The following NUP155 variants were observed in gnomAD, a reference collection of about 807,000 sequenced individuals.
NUP155 encodes nucleoporin 155, also known as nuclear pore complex protein Nup155.
In NUP155, 71 loss-of-function variants were observed where a neutral mutation model predicts 180.4. The ratio of observed to expected loss-of-function variants is 0.39; its 90% confidence interval spans 0.33 to 0.48. The LOEUF (loss-of-function observed/expected upper bound fraction) is 0.48, where lower values mean the gene tolerates loss of function less well. NUP155 is among the 20% of genes least tolerant of loss of function. The probability of loss-of-function intolerance (pLI) is 0.91; values close to 1 mark genes in which losing one functional copy is unlikely to be tolerated. For synonymous variants in NUP155, 582 were observed against 559.5 expected, an observed-to-expected ratio of 1.04 and a Z score of -0.57; for missense variants, 1,553 against 1,648.9, an observed-to-expected ratio of 0.94 and a Z score of 1.01.
chr5:37,365,460 C>T (rs1416820550), intron 1 of NUP155, among the ~76,000 whole-genome samples: 1 of 151,696 alleles, frequency 6.6e-6, no homozygotes, highest in Non-Finnish European at 1.5e-5. Context: ...GTAATCCCAG[C>T]ACTTTGGGAG....
intron 16 of NUP155, among the ~76,000 whole-genome samples, 196 bp from the exon 17 acceptor site, chr5:37,328,616 G>A (rs1337082926): frequency 2.0e-5 from 3 of 152,028 alleles, no homozygotes; most frequent in Non-Finnish European, 2.9e-5. Flanking sequence ...CGATTCTCCC[G>A]TCTCAGCCTC....
chr5:37,314,410 G>A, intron 21 of NUP155, 82 bp from the exon 22 acceptor site: 1 of 1,070,156 alleles, frequency 9.3e-7, no homozygotes, highest in South Asian at 1.4e-5. Flanking sequence ...AGTTAAGGTT[G>A]AAATCCCTGT....
chr5:37,351,805 A>T (rs1746479214), intron 5 of NUP155, among the ~76,000 whole-genome samples: 1 of 151,418 alleles, frequency 6.6e-6, no homozygotes, highest in Non-Finnish European at 1.5e-5. Flanking sequence ...TATACATTTT[A>T]AAATTACTAA....
Position 37,308,875 on chromosome 5 carries a change from C to CAAAAAAA in NUP155, c.2767+247_2767+253dup, listed in dbSNP as rs59572976. 8.7e-5 allele frequency among the ~76,000 whole-genome samples: 6 copies of CAAAAAAA among 68,856 alleles called. 1 individual carries two copies. Among genetic ancestry groups the CAAAAAAA allele is most frequent in the African/African-American group, 3.9e-4 (6 of 15,288 alleles). The allele number at this position is 68,856 out of a possible 152,430, so 45.2% of individuals were successfully genotyped here. On this transcript the variant is annotated intron_variant, in intron 24 of 34. Transcript: ENST00000231498. ...AGCCTGGCTGACAGAGCGAGACTCT[C>CAAAAAAA]AAAAAAAAAAAAAAAAAAAAAAAAA...
rs368724959 is a variant in NUP155, at chr5:37,333,454, C to T, written c.1518+9G>A. 2.7e-5 allele frequency: 44 copies of T among 1,611,982 alleles called. No homozygotes were observed. Among genetic ancestry groups the T allele is most frequent in the Middle Eastern group, 1.6e-4 (1 of 6,080 alleles). ...TTTTTGTCACTACCATAACAGAATA[C>T]GTACACACCTGTGCTGAGAGGAGAA... On this transcript the variant is annotated intron_variant, in intron 13 of 34. Coordinates refer to ENST00000231498, the MANE Select transcript of NUP155 (RefSeq NM_153485.3).
chr5:37,359,889 G>A (rs993604420), intron 3 of NUP155, among the ~76,000 whole-genome samples: 10 of 152,124 alleles, frequency 6.6e-5, no homozygotes, highest in East Asian at 1.9e-4. Flanking sequence ...AGGTTGAGAC[G>A]TGTGGATCAC....
Position 37,370,930 on chromosome 5 carries a change from G to A in NUP155, c.48C>T (p.Ala16=). ...LGAAMPASTS[A]AALQEALENA... ...TTTCCAGAGCTTCCTGCAGGGCTGCGGCAGATGTAGAGGCCGGCATCGCCG... is the reference window on the plus strand; with the variant it reads ...TTTCCAGAGCTTCCTGCAGGGCTGCAGCAGATGTAGAGGCCGGCATCGCCG... The change falls in exon 1 of 35, where the codon GCC becomes GCT. Residue 16 remains alanine, a synonymous_variant. Transcript: ENST00000231498. 1.9e-6 allele frequency: 3 copies of A among 1,614,178 alleles called. No homozygotes were observed. The highest frequency in any genetic ancestry group is 2.5e-6 in the Non-Finnish European group (3 of 1,180,048).
intron 9 of NUP155, among the ~76,000 whole-genome samples, chr5:37,343,630 C>A (rs538251261): frequency 6.6e-6 from 1 of 152,014 alleles, no homozygotes; most frequent in African/African-American, 2.4e-5. Flanking sequence ...GTGACTCACG[C>A]CTGTAATTCC....
intron 16 of NUP155, among the ~76,000 whole-genome samples, chr5:37,328,914 T>C (rs1744779742): frequency 6.6e-6 from 1 of 152,236 alleles, no homozygotes; most frequent in Non-Finnish European, 1.5e-5. Context: ...AAAACACTGA[T>C]GTGCGAGTTA....
chr5:37,326,234 C>T (rs1313457398), intron 18 of NUP155, among the ~76,000 whole-genome samples: 1 of 152,022 alleles, frequency 6.6e-6, no homozygotes, highest in African/African-American at 2.4e-5. Context: ...TATAAAGGGG[C>T]TCTGTACTGT....
At chr5:37,317,054 A>C (rs1743932607) in intron 21 of NUP155, among the ~76,000 whole-genome samples, 1 of 151,456 alleles carries the variant, frequency 6.6e-6, no homozygotes, top group African/African-American at 2.4e-5. Context: ...CTGTAGTCCC[A>C]GCTACTCAGA....
intron 2 of NUP155, 94 bp downstream of exon 2, chr5:37,364,151 AAT>A: frequency 8.6e-7 from 1 of 1,168,460 alleles, no homozygotes; most frequent in Non-Finnish European, 1.3e-6. Context: ...CCCTTAAATG[AAT>A]ATATAACACA....
Position 37,329,174 on chromosome 5 carries a change from A to C in NUP155, c.1813+16T>G. 1 of 1,575,264 alleles carries C rather than the reference A, an allele frequency of 6.3e-7. No homozygotes were observed. Among genetic ancestry groups the C allele is most frequent in the Non-Finnish European group, 8.7e-7 (1 of 1,144,734 alleles). ...AAACGATTAGAAACAATTTCATTTCAATGTTCCATACTCACTAGAATAGAC... is the reference window on the plus strand; with the variant it reads ...AAACGATTAGAAACAATTTCATTTCCATGTTCCATACTCACTAGAATAGAC... On this transcript the variant is annotated intron_variant, in intron 16 of 34. Coordinates refer to ENST00000231498, the MANE Select transcript of NUP155 (RefSeq NM_153485.3).
intron 13 of NUP155, among the ~76,000 whole-genome samples, chr5:37,332,673 T>G (rs559619604): frequency 6.6e-5 from 10 of 152,256 alleles, no homozygotes; most frequent in South Asian, 2.1e-4. Flanking sequence ...ATATTTCAAA[T>G]GATGGCTGGG....
Position 37,325,971 on chromosome 5 carries a change from GA to G in NUP155, c.2025-5del, listed in dbSNP as rs761814194. On this transcript the variant is annotated splice_region_variant and splice_polypyrimidine_tract_variant and intron_variant, in intron 18 of 34. Coordinates refer to ENST00000231498, the MANE Select transcript of NUP155 (RefSeq NM_153485.3). ...TAAGCTTGCATCCCAAATGTTTCTGGAAAAAAAAAAGTTTTAATGATTGTGC... is the reference window on the plus strand; with the variant it reads ...TAAGCTTGCATCCCAAATGTTTCTGGAAAAAAAAAGTTTTAATGATTGTGC... 1,447 of 1,497,350 alleles carry G rather than the reference GA, an allele frequency of 9.7e-4. No homozygotes were observed. Among genetic ancestry groups the G allele is most frequent in the Non-Finnish European group, 1.1e-3 (1,169 of 1,098,956 alleles). The allele number at this position is 1,497,350 out of a possible 1,614,324, so 92.8% of individuals were successfully genotyped here.
intron 3 of NUP155, among the ~76,000 whole-genome samples, chr5:37,362,070 AG>A (rs1267207336): frequency 6.6e-6 from 1 of 151,810 alleles, no homozygotes; most frequent in African/African-American, 2.4e-5. Flanking sequence ...CAGAACCATG[AG>A]AAAGAAATTC....
chr5:37,323,178 G>A (rs1437167528), intron 20 of NUP155, among the ~76,000 whole-genome samples: 1 of 149,136 alleles, frequency 6.7e-6, no homozygotes, highest in African/African-American at 2.6e-5. Context: ...TAAGCTACTT[G>A]GGAGGCTGAG....
At chr5:37,296,059 G>T in intron 32 of NUP155, among the ~76,000 whole-genome samples, 1 of 147,580 alleles carries the variant, frequency 6.8e-6, no homozygotes, top group Non-Finnish European at 1.5e-5. Flanking sequence ...AGGTGGGGGG[G>T]TCAGCCCCCC....
At chr5:37,349,409 A>G (rs986576208) in intron 7 of NUP155, among the ~76,000 whole-genome samples, 164 bp from the exon 8 acceptor site, 1 of 152,162 alleles carries the variant, frequency 6.6e-6, no homozygotes, top group Non-Finnish European at 1.5e-5. Flanking sequence ...CATAAGATCC[A>G]GTCCAAAAAG....
Sources: allele counts gnomAD v4.1 joint callset (sites outside exome capture counted in the v4.1 genomes callset), GRCh38; gene constraint gnomAD v4.1.1; transcripts MANE v1.5; gene names NCBI Gene and HGNC (gene_info 2026-07-23, HGNC 2026-07-21).